USP12: variants seen among roughly 807,000 people sequenced by gnomAD.
USP12 encodes ubiquitin specific peptidase 12, also known as ubiquitin carboxyl-terminal hydrolase 12.
Under a neutral mutation model 45.5 loss-of-function variants are expected in USP12, and 19 were observed. The ratio of observed to expected loss-of-function variants is 0.42; its 90% CI spans 0.29 to 0.61. The LOEUF is 0.61. USP12 is among the 20% of genes least tolerant of loss of function. The pLI is 0.22. For missense variants in USP12, 242 were observed against 447.7 expected (o/e 0.54, Z 4.15); for synonymous variants, 149 against 148.8 (o/e 1.00, Z -0.01).
At position 27,119,017 on chromosome 13, in the gene USP12, A is replaced by G. The variant is rs1875867643; in HGVS notation, c.49-2421T>C. 3.3e-5 allele frequency among the ~76,000 whole-genome samples: 5 copies of G among 152,302 alleles called. No homozygotes were observed. In the South Asian group the frequency reaches 1.0e-3, roughly 32 times the overall value. On this transcript the variant is annotated intron_variant, in intron 1 of 8. Coordinates refer to ENST00000282344, the MANE Select transcript of USP12 (RefSeq NM_182488.4). ...GCCTCAGTTTCCCAACTGTTAAAGAAAAATGTTAGCAACTACTTTATAGGG... is the reference window on the plus strand; with the variant it reads ...GCCTCAGTTTCCCAACTGTTAAAGAGAAATGTTAGCAACTACTTTATAGGG...
At chr13:27,121,088 G>A (rs1038361527) in intron 1 of USP12, among the ~76,000 whole-genome samples, 5 of 152,088 alleles carry the variant, frequency 3.3e-5, no homozygotes, top group East Asian at 1.9e-4. Flanking sequence ...CAGGAGAGAT[G>A]AGCATGAAGC....
intron 6 of USP12, among the ~76,000 whole-genome samples, chr13:27,083,857 A>AAT (rs112548761): frequency 0.047 from 6,854 of 147,178 alleles, 444 homozygotes; most frequent in African/African-American, 0.14. Context: ...TTTTTGGGAG[A>AAT]ATATATATAT....
intron 2 of USP12, among the ~76,000 whole-genome samples, chr13:27,113,768 A>G (rs1002338297): frequency 8.5e-5 from 13 of 152,194 alleles, no homozygotes; most frequent in African/African-American, 2.7e-4. Context: ...TTTGATATGG[A>G]TATTTTCTGG....
At chr13:27,140,438 A>G (rs1190201706) in intron 1 of USP12, among the ~76,000 whole-genome samples, 2 of 152,220 alleles carry the variant, frequency 1.3e-5, no homozygotes, top group African/African-American at 2.4e-5. Flanking sequence ...ATCAATAAGG[A>G]ATATTAAGCA....
chr13:27,103,039 T>C (rs977432292), intron 3 of USP12, among the ~76,000 whole-genome samples: 1 of 152,208 alleles, frequency 6.6e-6, no homozygotes, highest in Admixed American at 6.5e-5. Flanking sequence ...CATTAATAAA[T>C]AGAAATTAAA....
At chr13:27,116,139 T>C (rs984063812) in intron 2 of USP12, among the ~76,000 whole-genome samples, 6 of 151,848 alleles carry the variant, frequency 4.0e-5, no homozygotes, top group Admixed American at 1.3e-4. Context: ...GGTGAAACCC[T>C]GTCTCTACTA....
intron 1 of USP12, chr13:27,162,865 G>C (rs1265538032): frequency 6.6e-6 from 1 of 152,084 alleles, no homozygotes; most frequent in Admixed American, 6.5e-5. Context: ...CTCAGAGTTT[G>C]AATGGTAACG....
At chr13:27,090,411 T>C (rs1305542858) in intron 4 of USP12, among the ~76,000 whole-genome samples, 2 of 152,126 alleles carry the variant, frequency 1.3e-5, no homozygotes. Flanking sequence ...GATGTGAGAG[T>C]TCATGACTTT....
chr13:27,105,967 T>C, intron 2 of USP12, 23 bp from the exon 3 acceptor site: 2 of 1,580,104 alleles, frequency 1.3e-6, no homozygotes, highest in Non-Finnish European at 1.7e-6. Flanking sequence ...AAAAAAAGTT[T>C]TGTTAAATTT....
chr13:27,155,826 T>C (rs909329527), intron 1 of USP12, among the ~76,000 whole-genome samples: 1 of 152,200 alleles, frequency 6.6e-6, no homozygotes, highest in African/African-American at 2.4e-5. Context: ...AAGGTTCAAC[T>C]TAATTTGTAA....
intron 1 of USP12, among the ~76,000 whole-genome samples, chr13:27,128,857 A>T (rs540730933): frequency 5.3e-5 from 8 of 152,364 alleles, no homozygotes; most frequent in Non-Finnish European, 7.3e-5. Flanking sequence ...ATGTTACAGT[A>T]TAATAAAGTA....
intron 1 of USP12, among the ~76,000 whole-genome samples, chr13:27,136,295 C>T (rs1286109638): frequency 5.9e-5 from 9 of 152,124 alleles, no homozygotes; most frequent in African/African-American, 1.9e-4. Context: ...GTCAGGAATT[C>T]GAGACCAGCC....
chr13:27,171,127 A>G (rs1281010590), intron 1 of USP12, among the ~76,000 whole-genome samples: 1 of 146,582 alleles, frequency 6.8e-6, no homozygotes, highest in Non-Finnish European at 1.5e-5. Flanking sequence ...TCGGCGCGCG[A>G]CCAGAAGGAA....
chr13:27,074,201 C>A (rs2137753421), intron 7 of USP12, among the ~76,000 whole-genome samples: 1 of 152,208 alleles, frequency 6.6e-6, no homozygotes. Flanking sequence ...GAGATTAAGA[C>A]CATCCTGGCT....
intron 2 of USP12, among the ~76,000 whole-genome samples, chr13:27,111,753 T>C (rs2137793096): frequency 6.6e-6 from 1 of 152,334 alleles, no homozygotes; most frequent in East Asian, 1.9e-4. Flanking sequence ...TAGATGTTTG[T>C]CTTATTTATT....
intron 1 of USP12, 65 bp from the exon 2 acceptor site, chr13:27,116,661 G>A (rs1875757939): frequency 2.0e-6 from 3 of 1,482,038 alleles, no homozygotes; most frequent in Non-Finnish European, 2.8e-6. Context: ...TGACACTTCA[G>A]TCAATGACAG....
intron 1 of USP12, among the ~76,000 whole-genome samples, chr13:27,121,478 T>C (rs183427281): frequency 6.6e-6 from 1 of 152,210 alleles, no homozygotes; most frequent in East Asian, 1.9e-4. Flanking sequence ...AGATTTGAGT[T>C]CATAAGTCAA....
intron 1 of USP12, among the ~76,000 whole-genome samples, chr13:27,125,467 C>G (rs1432727771): frequency 6.6e-6 from 1 of 152,200 alleles, no homozygotes; most frequent in East Asian, 1.9e-4. Context: ...GCTTCACAAA[C>G]AGATGGAACT....
chr13:27,082,896 C>T (rs1256556830), intron 6 of USP12, among the ~76,000 whole-genome samples: 3 of 152,302 alleles, frequency 2.0e-5, no homozygotes, highest in African/African-American at 4.8e-5. Flanking sequence ...AGTGCAATGG[C>T]GTGATCTCGG....
Sources: gnomAD v4.1 joint callset for allele counts (sites outside exome capture counted in the v4.1 genomes callset) on GRCh38, gnomAD v4.1.1 for gene constraint, MANE v1.5 for transcripts, NCBI Gene and HGNC (gene_info 2026-07-23, HGNC 2026-07-21) for gene names.